The following RAD54B variants were observed in gnomAD, a reference collection of about 807,000 sequenced individuals.
RAD54B encodes DNA repair and recombination protein RAD54B.
Under a neutral mutation model 95.8 loss-of-function variants are expected in RAD54B, and 78 were observed. That is an observed-to-expected ratio of 0.81 (90% confidence interval 0.68 to 0.98). The LOEUF (loss-of-function observed/expected upper bound fraction) is 0.98. Ranked by LOEUF, RAD54B falls within the 50% of genes least tolerant of loss-of-function variation. The pLI, the probability that RAD54B is intolerant of heterozygous loss-of-function variation, is 0.00. For synonymous variants in RAD54B, 328 were observed against 354.9 expected (o/e 0.92, Z 0.85); for missense variants, 957 against 1,056.6 (o/e 0.91, Z 1.31).
At chr8:94,439,023 T>C (rs541159471) in intron 3 of RAD54B, among the ~76,000 whole-genome samples, 2 of 152,158 alleles carry the variant, frequency 1.3e-5, no homozygotes, top group East Asian at 3.9e-4. Context: ...GCTCAAGAGG[T>C]TGAGGCTGCA....
chr8:94,452,737 T>C (rs1812690089), intron 3 of RAD54B, among the ~76,000 whole-genome samples: 2 of 152,114 alleles, frequency 1.3e-5, no homozygotes, highest in Admixed American at 6.6e-5. Flanking sequence ...GACCTCATGA[T>C]CCACCCATCT....
intron 3 of RAD54B, chr8:94,432,461 T>A (rs1388646495): frequency 6.4e-7 from 1 of 1,550,472 alleles, no homozygotes; most frequent in South Asian, 1.2e-5. Context: ...GCGACAAGGA[T>A]CTTTCCATAA....
At chr8:94,473,240 C>T (rs1435751286) in intron 1 of RAD54B, among the ~76,000 whole-genome samples, 1 of 152,198 alleles carries the variant, frequency 6.6e-6, no homozygotes, top group African/African-American at 2.4e-5. Context: ...GATGCTACAA[C>T]TTCTATAACA....
At chr8:94,434,531 G>C (rs537740494) in intron 3 of RAD54B, among the ~76,000 whole-genome samples, 4 of 151,978 alleles carry the variant, frequency 2.6e-5, no homozygotes, top group South Asian at 4.1e-4. Context: ...ATATTTTTAA[G>C]TATGTTAACG....
At chr8:94,410,521 A>G (rs1811503703) in intron 4 of RAD54B, among the ~76,000 whole-genome samples, 1 of 152,184 alleles carries the variant, frequency 6.6e-6, no homozygotes, top group African/African-American at 2.4e-5. Context: ...TATAGGTCAC[A>G]CTCAAAATTG....
At chr8:94,434,908 TA>T (rs1190128406) in intron 3 of RAD54B, among the ~76,000 whole-genome samples, 1 of 151,544 alleles carries the variant, frequency 6.6e-6, no homozygotes, top group African/African-American at 2.4e-5. Flanking sequence ...GTGAATATTG[TA>T]AATATTCACA....
chr8:94,458,728 G>A (rs562800903), intron 2 of RAD54B, among the ~76,000 whole-genome samples: 43 of 152,196 alleles, frequency 2.8e-4, no homozygotes, highest in Non-Finnish European at 4.7e-4. Flanking sequence ...TTAGCCTGGC[G>A]TGGTAGCAAG....
At chr8:94,447,186 T>C (rs1812542293) in intron 3 of RAD54B, among the ~76,000 whole-genome samples, 3 of 152,118 alleles carry the variant, frequency 2.0e-5, no homozygotes, top group African/African-American at 7.2e-5. Context: ...AGTCAAATTA[T>C]AAAATTTACT....
intron 3 of RAD54B, among the ~76,000 whole-genome samples, chr8:94,439,936 G>C (rs1812360826): frequency 6.6e-6 from 1 of 152,198 alleles, no homozygotes; most frequent in African/African-American, 2.4e-5. Context: ...CCTGGATCTA[G>C]AAAGGAAGGA....
rs144773103 is a variant in RAD54B at position 94,458,478 on chromosome 8, AATTTTCTGT to A, written c.136-51_136-43del. ...TATATTTAAATCAGAACTCAAACCT[AATTTTCTGT>A]ATTTTCTGTATTTTTACATAAAAGA... On this transcript the variant is annotated intron_variant, in intron 2 of 14. Coordinates refer to ENST00000336148, the MANE Select transcript of RAD54B (RefSeq NM_012415.3). The A allele has an allele frequency of 0.044, 62,197 of 1,422,024 alleles. 3,762 individuals carry two copies. Among genetic ancestry groups the A allele is most frequent in the African/African-American group, 0.25 (16,869 of 68,216 alleles). The allele number at this position is 1,422,024 out of a possible 1,614,324, so 88.1% of individuals were successfully genotyped here. A position where few individuals can be genotyped will look rare whatever the true frequency, so the allele number is the denominator to read the frequency against.
At chr8:94,377,773 G>A (rs1484859008) in intron 14 of RAD54B, among the ~76,000 whole-genome samples, 6 of 150,058 alleles carry the variant, frequency 4.0e-5, no homozygotes, top group African/African-American at 1.2e-4. Context: ...TCAGGAGATC[G>A]AGACCATCCT....
chr8:94,417,274 TAAA>T (rs941956223), intron 3 of RAD54B, among the ~76,000 whole-genome samples: 4 of 152,022 alleles, frequency 2.6e-5, no homozygotes, highest in African/African-American at 4.8e-5. Context: ...TAGCTAAAGG[TAAA>T]AAGTTTCTTT....
chr8:94,390,782 C>T (rs1810999694), intron 10 of RAD54B, among the ~76,000 whole-genome samples: 1 of 151,760 alleles, frequency 6.6e-6, no homozygotes, highest in Non-Finnish European at 1.5e-5. Context: ...AGAAGTGGTT[C>T]AGATTTCAGA....
intron 3 of RAD54B, among the ~76,000 whole-genome samples, chr8:94,446,902 C>T (rs79813033): frequency 2.7e-3 from 411 of 151,588 alleles, no homozygotes; most frequent in African/African-American, 9.6e-3. Context: ...GCAGATGGTG[C>T]CAAGGGACTC....
At chr8:94,456,067 T>C (rs1227465109) in intron 3 of RAD54B, among the ~76,000 whole-genome samples, 3 of 152,158 alleles carry the variant, frequency 2.0e-5, no homozygotes, top group Admixed American at 1.3e-4. Context: ...AACTGGATTG[T>C]TCATGAAAAG....
intron 3 of RAD54B, among the ~76,000 whole-genome samples, chr8:94,441,981 C>CA (rs930425891): frequency 1.3e-5 from 2 of 151,772 alleles, no homozygotes; most frequent in Non-Finnish European, 2.9e-5. Flanking sequence ...TAAACAAAGG[C>CA]AAAAAAATCA....
intron 6 of RAD54B, among the ~76,000 whole-genome samples, chr8:94,403,127 T>G (rs769369968): frequency 2.0e-5 from 3 of 152,152 alleles, no homozygotes; most frequent in Non-Finnish European, 2.9e-5. Flanking sequence ...AGAATTTCAT[T>G]TCCAACTACC....
At chr8:94,436,993 A>G (rs1162521856) in intron 3 of RAD54B, 4 of 1,406,284 alleles carry the variant, frequency 2.8e-6, no homozygotes, top group African/African-American at 2.9e-5. Context: ...GCCCACGCCT[A>G]CAGGGGAGGG....
chr8:94,440,782 G>A (rs1049252385), intron 3 of RAD54B, among the ~76,000 whole-genome samples: 3 of 152,168 alleles, frequency 2.0e-5, no homozygotes, highest in Non-Finnish European at 4.4e-5. Flanking sequence ...TCAGGAGATA[G>A]TGTTAGATCT....
Sources: allele counts gnomAD v4.1 joint callset (sites outside exome capture counted in the v4.1 genomes callset), GRCh38; gene constraint gnomAD v4.1.1; transcripts MANE v1.5; gene names NCBI Gene and HGNC (gene_info 2026-07-23, HGNC 2026-07-21).